Variants in C1RL observed in about 807,000 individuals in gnomAD.
The protein encoded by C1RL is complement C1r subcomponent-like protein.
Under a neutral mutation model 27.9 loss-of-function variants are expected in C1RL, and 27 were observed. The observed-to-expected ratio is 0.97, with a 90% CI of 0.71 to 1.33. The LOEUF (loss-of-function observed/expected upper bound fraction) is 1.33, where lower values mean the gene tolerates loss of function less well. Ranked by LOEUF, C1RL falls within the 40% of genes most tolerant of loss-of-function variation. The probability of loss-of-function intolerance (pLI) is 0.00; values close to 1 mark genes in which losing one functional copy is unlikely to be tolerated. For synonymous variants in C1RL, 248 were observed against 252.1 expected, an observed-to-expected ratio of 0.98 and a Z score of 0.15; for missense variants, 563 against 623.9, an observed-to-expected ratio of 0.90 and a Z score of 1.04.
rs146559361 is a variant in C1RL at position 7,107,761 on chromosome 12, A to G, written c.300+490T>C. Among the ~76,000 whole-genome samples the G allele has an allele frequency of 2.0e-5, 3 of 152,272 alleles. No individual in the cohort carries two copies. The East Asian group carries it at 5.8e-4, about 29-fold the overall frequency. ...TGGGACTGCAAGCTTGCATCACTCC[A>G]TCAAGTACTGTTTTTAAAATGTCCT... On this transcript the variant is annotated intron_variant, in intron 2 of 5. Coordinates refer to ENST00000266542, the MANE Select transcript of C1RL (RefSeq NM_016546.4).
chr12:7,108,860 A>C, intron 1 of C1RL: 1 of 545,176 alleles, frequency 1.8e-6, no homozygotes, highest in Non-Finnish European at 3.3e-6. Flanking sequence ...ATATCCCCCG[A>C]CCACCCTCTG....
intron 2 of C1RL, among the ~76,000 whole-genome samples, chr12:7,102,486 C>T (rs1938654249): frequency 6.6e-6 from 1 of 152,220 alleles, no homozygotes; most frequent in South Asian, 2.1e-4. Flanking sequence ...TACAGCACCA[C>T]AGCGTTGACT....
intron 3 of C1RL, among the ~76,000 whole-genome samples, chr12:7,100,519 T>C (rs1474866930): frequency 6.6e-6 from 1 of 152,166 alleles, no homozygotes; most frequent in Non-Finnish European, 1.5e-5. Context: ...GTTCGCCAGG[T>C]GCGGTGGCTC....
chr12:7,101,789 G>A, intron 3 of C1RL, 109 bp downstream of exon 3: 1 of 1,199,286 alleles, frequency 8.3e-7, no homozygotes, highest in Non-Finnish European at 1.2e-6. Context: ...AGGTGTCCCT[G>A]AGTCCCCAGC....
At position 7,104,061 on chromosome 12, in the gene C1RL, G is replaced by A. The variant is rs1248967246; in HGVS notation, c.301-1974C>T. Among the ~76,000 whole-genome samples, 1 of 152,210 alleles carries A rather than the reference G, an allele frequency of 6.6e-6. No individual in the cohort carries two copies. The highest frequency in any genetic ancestry group is 2.4e-5 in the African/African-American group (1 of 41,452). On this transcript the variant is annotated intron_variant, in intron 2 of 5. Transcript: ENST00000266542. The surrounding 1 kb of genome is among the most constrained non-coding windows in gnomAD (Gnocchi z 5.4). ...GGAGAGAAGATGACAGCAGATGACA[G>A]GTGTCAACACACTTTGGAAGATGGA...
In C1RL at chr12:7,108,269, A is replaced by G; in HGVS notation, c.282T>C (p.Cys94=). The G allele has an allele frequency of 6.2e-7, 1 of 1,612,994 alleles. No individual in the cohort carries two copies. Among genetic ancestry groups the G allele is most frequent in the Non-Finnish European group, 8.5e-7 (1 of 1,179,368 alleles). Residue 94 remains cysteine (C), a synonymous_variant, in exon 2 of 6, where the codon TGT becomes TGC. Coordinates refer to ENST00000266542, the MANE Select transcript of C1RL (RefSeq NM_016546.4). ...AGCTCACTGTGACAGAGTCCCCTGC[A>G]CAGTCCTGGGACGGCTCCAGGTCGA... ...QDFDLEPSQD[C]AGDSVTISFV...
At chr12:7,100,522 G>A (rs953371734) in intron 3 of C1RL, among the ~76,000 whole-genome samples, 2 of 152,180 alleles carry the variant, frequency 1.3e-5, no homozygotes, top group African/African-American at 2.4e-5. Context: ...CGCCAGGTGC[G>A]GTGGCTCACG....
chr12:7,099,041 C>CAAAAA (rs35402492), intron 5 of C1RL, among the ~76,000 whole-genome samples: 9 of 127,564 alleles, frequency 7.1e-5, no homozygotes, highest in South Asian at 2.5e-4. Flanking sequence ...ACTAAAAATA[C>CAAAAA]AAAAAAAAAA....
intron 5 of C1RL, among the ~76,000 whole-genome samples, chr12:7,097,648 A>G (rs1042030251): frequency 6.6e-6 from 1 of 152,164 alleles, no homozygotes; most frequent in Admixed American, 6.5e-5. Context: ...AGGACAGGTA[A>G]TCAATGCCAA....
rs978010257 is a variant in C1RL at position 7,095,394 on chromosome 12, G to T, written c.*997C>A. 2 of 1,009,550 alleles carry T rather than the reference G, an allele frequency of 2.0e-6. No individual in the cohort carries two copies. Among genetic ancestry groups the T allele is most frequent in the Non-Finnish European group, 2.4e-6 (2 of 843,110 alleles). 62.5% of individuals were successfully genotyped at this position (1,009,550 alleles called of 1,614,324 possible). On this transcript the variant is annotated 3_prime_UTR_variant, in exon 6 of 6. Transcript: ENST00000266542. ...CTCCTAAGGTGTTGGGATTACAGGCGTGAGCCACTGCGCCCGGCCCATCAC... is the reference window on the plus strand; with the variant it reads ...CTCCTAAGGTGTTGGGATTACAGGCTTGAGCCACTGCGCCCGGCCCATCAC...
In C1RL at chr12:7,096,534, CAT is replaced by C; in HGVS notation, c.1319_1320del (p.Tyr440CysfsTer27). ...SVCQGDSGSV[Y>X]VVWDNHAHHW... ...TGATGGGCATGATTGTCCCATACCA[CAT>C]AGACGCTGCCACTGTCCCCCTGGCA... On this transcript the variant is annotated frameshift_variant, in exon 6 of 6. Coordinates refer to ENST00000266542, the MANE Select transcript of C1RL (RefSeq NM_016546.4). LOFTEE classifies it high-confidence loss of function. 1.9e-6 allele frequency: 3 copies of C among 1,614,208 alleles called. No homozygotes were observed. Among genetic ancestry groups the C allele is most frequent in the Non-Finnish European group, 2.5e-6 (3 of 1,180,028 alleles).
At position 7,096,978 on chromosome 12, in the gene C1RL, G is replaced by C; in HGVS notation, c.877C>G (p.Leu293Val). 6.2e-7 allele frequency: 1 copy of C among 1,614,130 alleles called. No individual in the cohort carries two copies. Among genetic ancestry groups the C allele is most frequent in the Non-Finnish European group, 8.5e-7 (1 of 1,180,004 alleles). The change falls in exon 6 of 6, where the codon CTC (leucine) becomes GTC (valine). Residue 293 changes from leucine to valine, a missense_variant. By Grantham distance (32) the Leu-to-Val change is conservative. Transcript: ENST00000266542. ...HTIYPKDSVS[L>V]RKNQSVNVFL... ...ACATTCACACTCTGGTTCTTCCTGA[G>C]AGAAACACTGTCCTTGGGGTAGATG...
Position 7,104,349 on chromosome 12 carries a change from G to A in C1RL, c.301-2262C>T, listed in dbSNP as rs568598773. ...CAAGAAACCCTGGACTTGAGGCCCCGCGGCACACTTGATAGAGGGGGCGAA... is the reference window on the plus strand; with the variant it reads ...CAAGAAACCCTGGACTTGAGGCCCCACGGCACACTTGATAGAGGGGGCGAA... On this transcript the variant is annotated intron_variant, in intron 2 of 5. Transcript: ENST00000266542. This position sits in a 1 kb window ranked among gnomAD's most constrained non-coding sequence, Gnocchi z 5.4. 3.7e-4 allele frequency among the ~76,000 whole-genome samples: 56 copies of A among 152,320 alleles called. No homozygotes were observed. Among genetic ancestry groups the A allele is most frequent in the Middle Eastern group, 3.4e-3 (1 of 294 alleles).
At chr12:7,101,795 C>T in intron 3 of C1RL, 103 bp downstream of exon 3, 1 of 1,276,148 alleles carries the variant, frequency 7.8e-7, no homozygotes, top group East Asian at 2.3e-5. Flanking sequence ...CCCTGAGTCC[C>T]CAGCCTCAGC....
At chr12:7,099,599 A>C (rs1357285589) in intron 5 of C1RL, 87 bp downstream of exon 5, 1 of 1,512,042 alleles carries the variant, frequency 6.6e-7, no homozygotes. Flanking sequence ...TTTCTATTCT[A>C]AGGCTTTCCT....
At position 7,104,393 on chromosome 12, in the gene C1RL, A is replaced by G. The variant is rs943825762; in HGVS notation, c.301-2306T>C. 2.0e-5 allele frequency among the ~76,000 whole-genome samples: 3 copies of G among 152,204 alleles called. No individual in the cohort carries two copies. The highest frequency in any genetic ancestry group is 4.4e-5 in the Non-Finnish European group (3 of 68,052). ...GGGCGAAGGCCAGTGCAGCAGGTCC[A>G]TGAATAACATCGTCGTTTCATTATG... On this transcript the variant is annotated intron_variant, in intron 2 of 5. Transcript: ENST00000266542. This position sits in a 1 kb window ranked among gnomAD's most constrained non-coding sequence, Gnocchi z 5.4.
chr12:7,097,830 G>T (rs977636358), intron 5 of C1RL, among the ~76,000 whole-genome samples: 1 of 152,152 alleles, frequency 6.6e-6, no homozygotes, highest in Non-Finnish European at 1.5e-5. Flanking sequence ...GGCAGAGTCT[G>T]TTTCAGTGCC....
chr12:7,101,134 C>T (rs1336752423), intron 3 of C1RL, among the ~76,000 whole-genome samples: 2 of 3,184 alleles, frequency 6.3e-4, no homozygotes, highest in African/African-American at 2.0e-3. Context: ...TCCTTCTTCC[C>T]TCCCTCCCTC....
Position 7,095,835 on chromosome 12 carries a change from G to T in C1RL, c.*556C>A. 1 of 807,118 alleles carries T rather than the reference G, an allele frequency of 1.2e-6. No homozygotes were observed. Among genetic ancestry groups the T allele is most frequent in the Non-Finnish European group, 1.5e-6 (1 of 667,400 alleles). The allele number at this position is 807,118 out of a possible 1,614,324, so 50.0% of individuals were successfully genotyped here. Reference sequence around the variant, plus strand: ...TTTGCAAATATGGTATGAGGATTAAGTGAAATAACAGGTGAAGCACCTGGC... The same window carrying T: ...TTTGCAAATATGGTATGAGGATTAATTGAAATAACAGGTGAAGCACCTGGC... On this transcript the variant is annotated 3_prime_UTR_variant, in exon 6 of 6. Transcript: ENST00000266542.
Sources: gnomAD v4.1 joint callset for allele counts (sites outside exome capture counted in the v4.1 genomes callset) on GRCh38, gnomAD v4.1.1 for gene constraint, Gnocchi (gnomAD v3.1) non-coding constraint, MANE v1.5 for transcripts, NCBI Gene and HGNC (gene_info 2026-07-23, HGNC 2026-07-21) for gene names.